HPRT1: variants seen among roughly 807,000 people sequenced by gnomAD.
The protein encoded by HPRT1 is hypoxanthine phosphoribosyltransferase 1.
Under a neutral mutation model 19.0 loss-of-function variants are expected in HPRT1, and 4 were observed. The ratio of observed to expected loss-of-function variants is 0.21; its 90% CI spans 0.10 to 0.48. The LOEUF (loss-of-function observed/expected upper bound fraction) is 0.48. HPRT1 is among the 20% of genes least tolerant of loss of function. The pLI is 0.98. For missense variants in HPRT1, 65 were observed against 164.0 expected (o/e 0.40, Z 3.30); for synonymous variants, 53 against 54.9 (o/e 0.97, Z 0.15).
At chrX:134,476,091 AT>A (rs1391266632) in intron 3 of HPRT1, among the ~76,000 whole-genome samples, 1 of 112,251 alleles carries the variant, frequency 8.9e-6, no homozygotes, top group Non-Finnish European at 1.9e-5. Flanking sequence ...CTCTTCAAAG[AT>A]TAGAACAAAT....
chrX:134,475,468 C>A, intron 3 of HPRT1, 104 bp downstream of exon 3: 1 of 529,607 alleles, frequency 1.9e-6, no homozygotes, highest in Non-Finnish European at 3.1e-6. Context: ...CACTTGGTTA[C>A]AGTGAGATTT....
At chrX:134,484,641 T>G (rs1431550413) in intron 3 of HPRT1, among the ~76,000 whole-genome samples, 1 of 112,263 alleles carries the variant, frequency 8.9e-6, no homozygotes, top group Non-Finnish European at 1.9e-5. Context: ...ATAAAAATGG[T>G]GTCATAGGCA....
intron 3 of HPRT1, among the ~76,000 whole-genome samples, chrX:134,476,832 T>G (rs2077626252): frequency 9.0e-6 from 1 of 111,030 alleles, no homozygotes; most frequent in Admixed American, 9.7e-5. Flanking sequence ...TTTTCTACTT[T>G]TAGTTTTTTT....
chrX:134,460,345 AGCTCGGCCTGCCGGCCCT>A lies in HPRT1; in HGVS notation c.27+9_27+26del. On this transcript the variant is annotated splice_region_variant and intron_variant, in intron 1 of 8. Coordinates refer to ENST00000298556, the MANE Select transcript of HPRT1 (RefSeq NM_000194.3). ...CCGCAGCCCTGGCGTCGTGGTGAGCAGCTCGGCCTGCCGGCCCTGGCCGGTTCAGGCCCACGCGGCAGG... is the reference window on the plus strand; with the variant it reads ...CCGCAGCCCTGGCGTCGTGGTGAGCAGGCCGGTTCAGGCCCACGCGGCAGG... 2.7e-6 allele frequency: 3 copies of A among 1,115,921 alleles called. No homozygotes were observed. The highest frequency in any genetic ancestry group is 3.5e-6 in the Non-Finnish European group (3 of 851,911). The allele number at this position is 1,115,921 out of a possible 1,213,427, so 92.0% of individuals were successfully genotyped here. A position where few individuals can be genotyped will look rare whatever the true frequency, so the allele number is the denominator to read the frequency against.
At chrX:134,497,222 G>A (rs751118970) in intron 6 of HPRT1, among the ~76,000 whole-genome samples, 1 of 111,773 alleles carries the variant, frequency 8.9e-6, no homozygotes, top group South Asian at 3.7e-4. Context: ...CCAGCTACTC[G>A]GAAGGCTGAG....
chrX:134,484,748 T>C (rs992657423), intron 3 of HPRT1, among the ~76,000 whole-genome samples: 2 of 112,237 alleles, frequency 1.8e-5, no homozygotes, highest in African/African-American at 6.5e-5. Flanking sequence ...TGGTATTACA[T>C]TGTGTAGATG....
chrX:134,480,613 T>TAA (rs749028644), intron 3 of HPRT1, among the ~76,000 whole-genome samples: 9 of 95,868 alleles, frequency 9.4e-5, no homozygotes, highest in African/African-American at 2.3e-4. Context: ...ATGGCTATTT[T>TAA]AAAAAAAAAA....
chrX:134,475,567 G>A (rs1209445458), intron 3 of HPRT1, among the ~76,000 whole-genome samples: 2 of 111,305 alleles, frequency 1.8e-5, no homozygotes, highest in African/African-American at 3.3e-5. Flanking sequence ...TATTTTACAG[G>A]TGTGTGTGGT....
chrX:134,477,287 C>T (rs967449530), intron 3 of HPRT1, among the ~76,000 whole-genome samples: 2 of 108,651 alleles, frequency 1.8e-5, no homozygotes, highest in Non-Finnish European at 3.8e-5. Context: ...TCTCGAACCC[C>T]TGACCTCAGG....
At chrX:134,474,350 C>T (rs1234326262) in intron 2 of HPRT1, among the ~76,000 whole-genome samples, 3 of 110,623 alleles carry the variant, frequency 2.7e-5, no homozygotes, top group Non-Finnish European at 3.8e-5. Context: ...GCCAAATTTT[C>T]CTCTAAGAAG....
rs746142732 is a variant in HPRT1, at chrX:134,500,459, G to T, written c.*382G>T. Reference sequence around the variant, plus strand: ...GAAAGAATAGAAGTGATTGAATATTGTTAATTATACCACCGTGTGTTAGAA... The same window carrying T: ...GAAAGAATAGAAGTGATTGAATATTTTTAATTATACCACCGTGTGTTAGAA... On this transcript the variant is annotated 3_prime_UTR_variant, in exon 9 of 9. Transcript: ENST00000298556. 3 of 130,152 alleles carry T rather than the reference G, an allele frequency of 2.3e-5. No homozygotes were observed. The highest frequency in any genetic ancestry group is 3.2e-5 in the African/African-American group (1 of 31,427). 10.7% of individuals were successfully genotyped at this position (130,152 alleles called of 1,213,427 possible).
intron 3 of HPRT1, among the ~76,000 whole-genome samples, chrX:134,477,127 C>T (rs1369736982): frequency 9.6e-6 from 1 of 104,285 alleles, no homozygotes; most frequent in Non-Finnish European, 1.9e-5. Flanking sequence ...GTGGCATGAT[C>T]GTAGCTCACT....
intron 3 of HPRT1, among the ~76,000 whole-genome samples, chrX:134,478,167 G>A (rs778186421): frequency 9.8e-5 from 11 of 111,866 alleles, no homozygotes; most frequent in Non-Finnish European, 2.1e-4. Flanking sequence ...GAAACAGTGA[G>A]TTAAAATCTG....
intron 1 of HPRT1, among the ~76,000 whole-genome samples, chrX:134,465,794 T>C (rs1024690806): frequency 1.9e-4 from 21 of 112,351 alleles, no homozygotes; most frequent in Admixed American, 2.8e-4. Context: ...CAGCCAAGAA[T>C]GGCCATATTT....
intron 1 of HPRT1, among the ~76,000 whole-genome samples, chrX:134,467,082 G>A (rs904976522): frequency 1.6e-5 from 1 of 64,506 alleles, no homozygotes; most frequent in African/African-American, 6.6e-5. Flanking sequence ...TCTTGCTCTT[G>A]TCGCCCAGGC....
chrX:134,465,724 T>G (rs1390495780), intron 1 of HPRT1, among the ~76,000 whole-genome samples: 1 of 112,618 alleles, frequency 8.9e-6, no homozygotes, highest in Non-Finnish European at 1.9e-5. Context: ...CTGAACTGTC[T>G]CAGCAAATGG....
At chrX:134,479,235 G>A (rs1470433241) in intron 3 of HPRT1, among the ~76,000 whole-genome samples, 1 of 111,602 alleles carries the variant, frequency 9.0e-6, no homozygotes, top group Non-Finnish European at 1.9e-5. Context: ...GTATACAAAT[G>A]TATTTCCTTT....
intron 3 of HPRT1, among the ~76,000 whole-genome samples, chrX:134,486,043 A>G (rs1309968273): frequency 9.0e-6 from 1 of 111,339 alleles, no homozygotes; most frequent in African/African-American, 3.3e-5. Context: ...AGCCCTTACA[A>G]TTTGCTTGAC....
intron 4 of HPRT1, among the ~76,000 whole-genome samples, chrX:134,488,594 A>G (rs1174095088): frequency 8.9e-6 from 1 of 111,835 alleles, no homozygotes; most frequent in African/African-American, 3.2e-5. Context: ...CATTTTATCA[A>G]ATGGCCTCTT....
Sources: allele counts gnomAD v4.1 joint callset (sites outside exome capture counted in the v4.1 genomes callset), GRCh38; gene constraint gnomAD v4.1.1; transcripts MANE v1.5; gene names NCBI Gene and HGNC (gene_info 2026-07-23, HGNC 2026-07-21).